The following NKAIN3 variants were observed in gnomAD, a reference collection of about 807,000 sequenced individuals.
The protein encoded by NKAIN3 is sodium/potassium transporting ATPase interacting 3.
In NKAIN3, 25 loss-of-function variants were observed where a neutral mutation model predicts 30.2. That is an observed-to-expected ratio of 0.83 (90% CI 0.60 to 1.16). The LOEUF is 1.16. NKAIN3 is among the 50% of genes most tolerant of loss of function. The pLI is 0.00. For missense variants in NKAIN3, 225 were observed against 254.1 expected, an observed-to-expected ratio of 0.89 and a Z score of 0.78; for synonymous variants, 91 against 89.6, an observed-to-expected ratio of 1.02 and a Z score of -0.09.
intron 1 of NKAIN3, among the ~76,000 whole-genome samples, chr8:62,280,726 A>G (rs1014250108): frequency 1.1e-4 from 16 of 152,138 alleles, no homozygotes; most frequent in Non-Finnish European, 1.6e-4. Context: ...GGATAAAGCC[A>G]ACTTGATCGT....
chr8:62,628,544 A>G (rs1050840665), intron 3 of NKAIN3, among the ~76,000 whole-genome samples: 1 of 152,170 alleles, frequency 6.6e-6, no homozygotes, highest in Non-Finnish European at 1.5e-5. Flanking sequence ...TTCTTATTAT[A>G]CAATGCTAAA....
chr8:62,438,164 G>T (rs1398777687), intron 1 of NKAIN3, among the ~76,000 whole-genome samples: 1 of 152,208 alleles, frequency 6.6e-6, no homozygotes, highest in Admixed American at 6.5e-5. Flanking sequence ...CTTCTGGGCT[G>T]CTTTGCTATC....
At chr8:62,602,666 C>T (rs1422747452) in intron 3 of NKAIN3, among the ~76,000 whole-genome samples, 1 of 152,028 alleles carries the variant, frequency 6.6e-6, no homozygotes, top group Non-Finnish European at 1.5e-5. Context: ...TACTCTGGGA[C>T]AAGAAACAGG....
At chr8:62,354,471 G>A (rs191224272) in intron 1 of NKAIN3, among the ~76,000 whole-genome samples, 32 of 152,154 alleles carry the variant, frequency 2.1e-4, no homozygotes, top group African/African-American at 7.2e-4. Flanking sequence ...TTTTTGAGAC[G>A]GAGTCTCTGT....
chr8:62,263,948 C>G lies in NKAIN3; in HGVS notation c.54+14821C>G, dbSNP rs79202354. 2.4e-3 allele frequency among the ~76,000 whole-genome samples: 366 copies of G among 152,198 alleles called. 1 individual carries two copies. Among genetic ancestry groups the G allele is most frequent in the African/African-American group, 8.4e-3 (348 of 41,514 alleles). On this transcript the variant is annotated intron_variant, in intron 1 of 6. Coordinates refer to ENST00000623646, the MANE Select transcript of NKAIN3 (RefSeq NM_001304533.3). ...AATAAACTACAGACAAAAGATGAAT[C>G]AGAAGTGTAATATTTTCTTAAGCTG...
intron 1 of NKAIN3, among the ~76,000 whole-genome samples, chr8:62,504,139 A>G (rs961988407): frequency 6.6e-6 from 1 of 152,176 alleles, no homozygotes; most frequent in Non-Finnish European, 1.5e-5. Context: ...TGAACTGCAC[A>G]TGCAAGGGAT....
chr8:62,364,833 A>AAAAAAAAAAAAAAAAT, intron 1 of NKAIN3, among the ~76,000 whole-genome samples: 1 of 149,652 alleles, frequency 6.7e-6, no homozygotes, highest in Non-Finnish European at 1.5e-5. Flanking sequence ...CACTACAAAA[A>AAAAAAAAAAAAAAAAT]AAAAAAAAAA....
intron 1 of NKAIN3, among the ~76,000 whole-genome samples, chr8:62,421,028 C>T (rs982641195): frequency 1.3e-5 from 2 of 152,152 alleles, no homozygotes; most frequent in Non-Finnish European, 1.5e-5. Context: ...ATCCACTCAT[C>T]ATTCTTAGGC....
At chr8:62,505,733 C>T (rs1025902039) in intron 1 of NKAIN3, among the ~76,000 whole-genome samples, 1 of 152,030 alleles carries the variant, frequency 6.6e-6, no homozygotes, top group Admixed American at 6.5e-5. Context: ...TTATTTGGCA[C>T]CAAAGAATCT....
At position 62,975,909 on chromosome 8, in the gene NKAIN3, CTTAT is replaced by C. The variant is rs767557856; in HGVS notation, c.*10509_*10512del. Among the ~76,000 whole-genome samples the C allele has an allele frequency of 2.0e-5, 3 of 152,218 alleles. No homozygotes were observed. The South Asian group carries it at 6.2e-4, about 32-fold the overall frequency. The stretch of plus-strand genomic sequence containing the variant: ...CTTTGTTCTTGTTGGTTTCAAAGAA[CTTAT>C]TTATTTCTGCTGTGATCTCATTATT... On this transcript the variant is annotated 3_prime_UTR_variant, in exon 7 of 7. Transcript: ENST00000623646.
rs534131311 is a variant in NKAIN3 at position 62,525,815 on chromosome 8, G to A, written c.55-53724G>A. Among the ~76,000 whole-genome samples, 5 of 152,274 alleles carry A rather than the reference G, an allele frequency of 3.3e-5. No homozygotes were observed. The East Asian group carries it at 9.7e-4, about 29-fold the overall frequency. ...AATCTATGGTAAAACTTTTATAGGT[G>A]TTTGTAAGATTGTTGTTAGTGGTTT... is the stretch of plus-strand genomic sequence containing the variant. On this transcript the variant is annotated intron_variant, in intron 1 of 6. Transcript: ENST00000623646.
At chr8:62,821,446 CAGA>C (rs1031605870) in intron 4 of NKAIN3, among the ~76,000 whole-genome samples, 18 of 151,994 alleles carry the variant, frequency 1.2e-4, no homozygotes, top group African/African-American at 9.7e-5. Context: ...TGTTTCTTTT[CAGA>C]AGAAGGAGAA....
intron 3 of NKAIN3, among the ~76,000 whole-genome samples, chr8:62,690,990 T>C (rs1467426923): frequency 1.3e-5 from 2 of 152,108 alleles, no homozygotes; most frequent in Non-Finnish European, 2.9e-5. Context: ...AACGATTTGT[T>C]CCCCTAATAT....
At chr8:62,747,524 T>G (rs544434420) in intron 4 of NKAIN3, among the ~76,000 whole-genome samples, 1 of 152,172 alleles carries the variant, frequency 6.6e-6, no homozygotes, top group Non-Finnish European at 1.5e-5. Flanking sequence ...GCTTGCTTGG[T>G]CTAATAAACC....
At chr8:62,266,513 G>A (rs1242399617) in intron 1 of NKAIN3, among the ~76,000 whole-genome samples, 1 of 152,098 alleles carries the variant, frequency 6.6e-6, no homozygotes, top group Non-Finnish European at 1.5e-5. Flanking sequence ...CGAGGGAAAC[G>A]TAGCATGAGT....
At chr8:62,555,243 A>G (rs548610399) in intron 1 of NKAIN3, among the ~76,000 whole-genome samples, 1 of 152,290 alleles carries the variant, frequency 6.6e-6, no homozygotes, top group East Asian at 1.9e-4. Context: ...GAACCAAGGT[A>G]TCATACTTGT....
intron 3 of NKAIN3, among the ~76,000 whole-genome samples, chr8:62,677,780 G>C (rs1813521151): frequency 6.6e-6 from 1 of 152,156 alleles, no homozygotes; most frequent in Non-Finnish European, 1.5e-5. Context: ...TTACCTGGTA[G>C]AATGACCCAC....
intron 3 of NKAIN3, among the ~76,000 whole-genome samples, chr8:62,608,188 G>A (rs967299251): frequency 1.7e-4 from 26 of 152,134 alleles, no homozygotes; most frequent in African/African-American, 5.5e-4. Context: ...TAAAGTGATG[G>A]CAATTCTTGT....
intron 1 of NKAIN3, among the ~76,000 whole-genome samples, chr8:62,372,835 G>T (rs1816952089): frequency 6.6e-6 from 1 of 151,952 alleles, no homozygotes; most frequent in South Asian, 2.1e-4. Flanking sequence ...TTTACCTTTT[G>T]ATTTTAAAAT....
Sources: gnomAD v4.1 joint callset for allele counts (sites outside exome capture counted in the v4.1 genomes callset) on GRCh38, gnomAD v4.1.1 for gene constraint, MANE v1.5 for transcripts, NCBI Gene and HGNC (gene_info 2026-07-23, HGNC 2026-07-21) for gene names.